SH2B3: variants seen among roughly 807,000 people sequenced by gnomAD.
SH2B3 encodes SH2B adaptor protein 3, also known as SH2B adapter protein 3.
A neutral mutation model predicts 51.9 loss-of-function variants in SH2B3; 43 were observed. That is an observed-to-expected ratio of 0.83 (90% CI 0.65 to 1.07). SH2B3 has a LOEUF of 1.07. Among genes scored for constraint, SH2B3 ranks in the 50% least tolerant of loss-of-function variants. The pLI is 0.00. For synonymous variants in SH2B3, 396 were observed against 376.0 expected (o/e 1.05, Z -0.62); for missense variants, 952 against 834.3 (o/e 1.14, Z -1.74).
chr12:111,446,947 G>C lies in SH2B3; in HGVS notation c.840G>C (p.Lys280Asn). The change falls in exon 4 of 8, where the codon AAG becomes AAC. Residue 280 changes from lysine (K) to asparagine (N), a missense_variant. By Grantham distance (94) the Lys-to-Asn change is moderately conservative. Coordinates refer to ENST00000341259, the MANE Select transcript of SH2B3 (RefSeq NM_005475.3). ...DNLYTFVLKVKDRTDIIFEVG... is the reference protein window; with the variant it reads ...DNLYTFVLKVNDRTDIIFEVG... ...GTTCCCTTCCTCCCTGCCAGGTGAA[G>C]GACCGGACAGACATCATCTTTGAGG... The C allele has an allele frequency of 6.2e-7, 1 of 1,613,936 alleles. No homozygotes were observed. Among genetic ancestry groups the C allele is most frequent in the African/African-American group, 1.3e-5 (1 of 75,008 alleles).
At position 111,430,625 on chromosome 12, in the gene SH2B3, A is replaced by G. The variant is rs543337581; in HGVS notation, c.732+11748A>G. Among the ~76,000 whole-genome samples, 4 of 152,078 alleles carry G rather than the reference A, an allele frequency of 2.6e-5. No individual in the cohort carries two copies. In the East Asian group the frequency reaches 5.8e-4, roughly 22 times the overall value. ...CAGGGGCGAAGGGTGGACGCTGGAGAAGGGCAGATGGACAGGGTCAGGTTC... is the reference window on the plus strand; with the variant it reads ...CAGGGGCGAAGGGTGGACGCTGGAGGAGGGCAGATGGACAGGGTCAGGTTC... On this transcript the variant is annotated intron_variant, in intron 2 of 7. Transcript: ENST00000341259.
chr12:111,418,006 TG>T lies in SH2B3; in HGVS notation c.-27-110del. On this transcript the variant is annotated intron_variant, in intron 1 of 7. Coordinates refer to ENST00000341259, the MANE Select transcript of SH2B3 (RefSeq NM_005475.3). The surrounding 1 kb of genome is among the most constrained non-coding windows in gnomAD (Gnocchi z 6.7). Reference sequence around the variant, plus strand: ...TGTTTCCCTGCATCTTCACCAGCACTGGGTGTTATGGTCGCGTTGGATTTCT... The same window carrying T: ...TGTTTCCCTGCATCTTCACCAGCACTGGTGTTATGGTCGCGTTGGATTTCT... The T allele has an allele frequency of 1.3e-6, 1 of 756,210 alleles. No individual in the cohort carries two copies. Among genetic ancestry groups the T allele is most frequent in the Non-Finnish European group, 2.0e-6 (1 of 494,288 alleles). 46.8% of individuals were successfully genotyped at this position (756,210 alleles called of 1,614,324 possible). A position where few individuals can be genotyped will look rare whatever the true frequency, so the allele number is the denominator to read the frequency against.
chr12:111,409,900 C>G lies in SH2B3; in HGVS notation c.-28+3623C>G, dbSNP rs1409103078. On this transcript the variant is annotated intron_variant, in intron 1 of 7. Transcript: ENST00000341259. The surrounding 1 kb of genome is among the most constrained non-coding windows in gnomAD (Gnocchi z 4.0). ...CAGGTCCTCCTGGTGCCCCCCCACT[C>G]CCCGCCCCAGCCGGAAACCCGGCAG... 6.6e-6 allele frequency among the ~76,000 whole-genome samples: 1 copy of G among 152,232 alleles called. No homozygotes were observed. The highest frequency in any genetic ancestry group is 1.5e-5 in the Non-Finnish European group (1 of 68,028).
rs749931559 is a variant in SH2B3 at position 111,418,247 on chromosome 12, C to G, written c.102C>G (p.Ala34=). 3.2e-6 allele frequency: 5 copies of G among 1,544,388 alleles called. No individual in the cohort carries two copies. Among genetic ancestry groups the G allele is most frequent in the Non-Finnish European group, 4.3e-6 (5 of 1,153,212 alleles). The change falls in exon 2 of 8, where the codon GCC becomes GCG. Residue 34 remains alanine (A), a synonymous_variant. Coordinates refer to ENST00000341259, the MANE Select transcript of SH2B3 (RefSeq NM_005475.3). This position sits in a 1 kb window ranked among gnomAD's most constrained non-coding sequence, Gnocchi z 6.7. ...GGAGCGAGTTCTGTGAGTTGCACGCCGTAGCGGCGGCCCGGGAGCTGGCCC... is the reference window on the plus strand; with the variant it reads ...GGAGCGAGTTCTGTGAGTTGCACGCGGTAGCGGCGGCCCGGGAGCTGGCCC... The part of the protein sequence containing the change: ...RGWSEFCELH[A]VAAARELARQ...
At chr12:111,426,078 G>C (rs527612813) in intron 2 of SH2B3, among the ~76,000 whole-genome samples, 2 of 152,212 alleles carry the variant, frequency 1.3e-5, no homozygotes, top group Non-Finnish European at 2.9e-5. Context: ...ATGGGATTGG[G>C]ATGAAAGGGT....
chr12:111,448,419 A>G lies in SH2B3; in HGVS notation c.*117A>G. ...AGAGAAAGATTTAAGGGACACTGTT[A>G]ACTGCTCGTGCCAGTTTGGAAGTGA... On this transcript the variant is annotated 3_prime_UTR_variant, in exon 8 of 8. Transcript: ENST00000341259. 1 of 826,126 alleles carries G rather than the reference A, an allele frequency of 1.2e-6. No individual in the cohort carries two copies. The highest frequency in any genetic ancestry group is 1.9e-6 in the Non-Finnish European group (1 of 531,612). The allele number at this position is 826,126 out of a possible 1,614,324, so 51.2% of individuals were successfully genotyped here.
At chr12:111,441,855 G>C (rs368986143) in intron 2 of SH2B3, among the ~76,000 whole-genome samples, 15 of 152,140 alleles carry the variant, frequency 9.9e-5, no homozygotes, top group South Asian at 4.1e-4. Flanking sequence ...AGGGACTCTT[G>C]TCTGTGTTGT....
At chr12:111,442,583 A>C (rs1873530017) in intron 2 of SH2B3, among the ~76,000 whole-genome samples, 1 of 152,160 alleles carries the variant, frequency 6.6e-6, no homozygotes, top group South Asian at 2.1e-4. Context: ...GGTCTGGGCC[A>C]AGCCCTTGCT....
intron 1 of SH2B3, among the ~76,000 whole-genome samples, chr12:111,413,305 C>A (rs1009618763): frequency 8.5e-5 from 13 of 152,220 alleles, no homozygotes; most frequent in Non-Finnish European, 1.2e-4. Flanking sequence ...GAGGCTGAGG[C>A]AGGAGGATCT....
At chr12:111,430,355 G>A (rs531885010) in intron 2 of SH2B3, among the ~76,000 whole-genome samples, 64 of 152,334 alleles carry the variant, frequency 4.2e-4, no homozygotes, top group Middle Eastern at 3.4e-3. Flanking sequence ...GTATCGGGGC[G>A]CTTCCTTTCA....
chr12:111,440,691 A>G (rs1453666379), intron 2 of SH2B3, among the ~76,000 whole-genome samples: 1 of 152,158 alleles, frequency 6.6e-6, no homozygotes, highest in Non-Finnish European at 1.5e-5. Context: ...CACCATCCCC[A>G]CTTCGGAGAA....
chr12:111,426,108 G>A (rs1481131555), intron 2 of SH2B3, among the ~76,000 whole-genome samples: 2 of 152,190 alleles, frequency 1.3e-5, no homozygotes, highest in African/African-American at 2.4e-5. Flanking sequence ...TGAGCTAGAC[G>A]GAGGCGGGGT....
chr12:111,448,355 G>A lies in SH2B3; in HGVS notation c.*53G>A, dbSNP rs1401685058. ...CTGCCCTTGAGGAGCACAGGCAGAA[G>A]TGTGAACTTGTGAATGTAATTGATC... On this transcript the variant is annotated 3_prime_UTR_variant, in exon 8 of 8. Transcript: ENST00000341259. 5.6e-6 allele frequency: 7 copies of A among 1,240,664 alleles called. No homozygotes were observed. The highest frequency in any genetic ancestry group is 1.5e-5 in the African/African-American group (1 of 66,894). 76.9% of individuals were successfully genotyped at this position (1,240,664 alleles called of 1,614,324 possible).
intron 1 of SH2B3, among the ~76,000 whole-genome samples, chr12:111,417,654 A>G (rs946263609): frequency 6.6e-5 from 10 of 151,738 alleles, no homozygotes; most frequent in African/African-American, 2.4e-4. Context: ...ATGGGCTTTC[A>G]CCATGTTGCC....
At chr12:111,413,436 C>T (rs768779326) in intron 1 of SH2B3, among the ~76,000 whole-genome samples, 15 of 152,168 alleles carry the variant, frequency 9.9e-5, no homozygotes, top group Non-Finnish European at 1.3e-4. Context: ...GTGTAGCAGA[C>T]GCTCAGTAAA....
chr12:111,428,992 G>A (rs1415209383), intron 2 of SH2B3, among the ~76,000 whole-genome samples: 2 of 151,010 alleles, frequency 1.3e-5, no homozygotes, highest in African/African-American at 2.4e-5. Flanking sequence ...GAGGCCTGGC[G>A]GTTTCCTCTC....
chr12:111,418,167 C>T lies in SH2B3; in HGVS notation c.22C>T (p.Pro8Ser). ...CGCCATGAACGGGCCTGCCCTGCAGCCCTCCTCGCCCTCTTCCGCGCCCTC... is the reference window on the plus strand; with the variant it reads ...CGCCATGAACGGGCCTGCCCTGCAGTCCTCCTCGCCCTCTTCCGCGCCCTC... Reference protein sequence around the residue: MNGPALQPSSPSSAPSAS... With the variant: MNGPALQSSSPSSAPSAS... The change falls in exon 2 of 8, where the codon CCC becomes TCC. Residue 8 changes from proline (P) to serine (S), a missense_variant. By Grantham distance (74) the Pro-to-Ser change is moderately conservative. Transcript: ENST00000341259. The surrounding 1 kb of genome is among the most constrained non-coding windows in gnomAD (Gnocchi z 6.7). 1 of 1,539,512 alleles carries T rather than the reference C, an allele frequency of 6.5e-7. No individual in the cohort carries two copies. Among genetic ancestry groups the T allele is most frequent in the Non-Finnish European group, 8.6e-7 (1 of 1,157,312 alleles).
chr12:111,422,976 T>G (rs1871675632), intron 2 of SH2B3, among the ~76,000 whole-genome samples: 1 of 151,964 alleles, frequency 6.6e-6, no homozygotes, highest in South Asian at 2.1e-4. Context: ...GGATTACAGG[T>G]GCGAGCCACC....
intron 2 of SH2B3, among the ~76,000 whole-genome samples, chr12:111,422,686 G>A (rs746137161): frequency 4.6e-5 from 7 of 151,322 alleles, no homozygotes; most frequent in African/African-American, 1.5e-4. Flanking sequence ...TCAGCCTCCC[G>A]AGTAGCTGGG....
Sources: allele counts gnomAD v4.1 joint callset (sites outside exome capture counted in the v4.1 genomes callset), GRCh38; gene constraint gnomAD v4.1.1; non-coding constraint Gnocchi (gnomAD v3.1); transcripts MANE v1.5; gene names NCBI Gene and HGNC (gene_info 2026-07-23, HGNC 2026-07-21).